MACROD2: variants seen among roughly 807,000 people sequenced by gnomAD.
MACROD2 encodes the protein mono-ADP ribosylhydrolase 2.
Under a neutral mutation model 70.4 loss-of-function variants are expected in MACROD2, and 36 were observed. That is an observed-to-expected ratio of 0.51 (90% CI 0.39 to 0.68). MACROD2 has a LOEUF of 0.68. Ranked by LOEUF, MACROD2 falls within the 30% of genes least tolerant of loss-of-function variation. The pLI is 0.00. For missense variants in MACROD2, 496 were observed against 538.4 expected, an observed-to-expected ratio of 0.92 and a Z score of 0.78; for synonymous variants, 172 against 178.8, an observed-to-expected ratio of 0.96 and a Z score of 0.30.
At chr20:14,786,200 A>AAGAT (rs1408305068) in intron 5 of MACROD2, among the ~76,000 whole-genome samples, 1 of 66,206 alleles carries the variant, frequency 1.5e-5, no homozygotes, top group Non-Finnish European at 3.4e-5. Context: ...CACTCAGAGA[A>AAGAT]AGATAGAGAG....
At chr20:15,769,851 A>G (rs2051592512) in intron 8 of MACROD2, among the ~76,000 whole-genome samples, 1 of 152,162 alleles carries the variant, frequency 6.6e-6, no homozygotes, top group Non-Finnish European at 1.5e-5. Context: ...GAAGGTCAGA[A>G]AAGTTTTACA....
At chr20:14,586,738 T>C (rs1223833517) in intron 4 of MACROD2, among the ~76,000 whole-genome samples, 1 of 152,092 alleles carries the variant, frequency 6.6e-6, no homozygotes, top group East Asian at 1.9e-4. Flanking sequence ...CCCAAAGTTT[T>C]GATATACTAC....
At chr20:14,019,087 C>T (rs543990122) in intron 2 of MACROD2, among the ~76,000 whole-genome samples, 18 of 152,206 alleles carry the variant, frequency 1.2e-4, no homozygotes, top group African/African-American at 4.3e-4. Context: ...TTTGCTCTGC[C>T]CTGGGTTCAG....
chr20:15,988,930 A>C (rs1266526526), intron 15 of MACROD2, among the ~76,000 whole-genome samples: 2 of 152,168 alleles, frequency 1.3e-5, no homozygotes, highest in Non-Finnish European at 2.9e-5. Context: ...TAGGAAAAGG[A>C]GGCAATGTAG....
Position 15,961,591 on chromosome 20 carries a change from C to T in MACROD2, c.908-5962C>T, listed in dbSNP as rs141178329. On this transcript the variant is annotated intron_variant, in intron 12 of 17. Coordinates refer to ENST00000684519, the MANE Select transcript of MACROD2 (RefSeq NM_001351661.2). ...ATAAAATAACTCAGAAGCAGTGACC[C>T]GATGCCAGGCTGTCGGTTCAGAGCT... is the stretch of plus-strand genomic sequence containing the variant. Among the ~76,000 whole-genome samples, 529 of 152,246 alleles carry T rather than the reference C, an allele frequency of 3.5e-3. 1 individual carries two copies. The highest frequency in any genetic ancestry group is 0.012 in the African/African-American group (508 of 41,546).
At chr20:15,211,550 T>C (rs2164741) in intron 5 of MACROD2, among the ~76,000 whole-genome samples, 28,612 of 151,980 alleles carry the variant, frequency 0.19, 2,920 homozygotes, top group African/African-American at 0.26. Context: ...TATCACTCTA[T>C]GAGTCCACGT....
At chr20:15,333,694 C>A (rs2078017805) in intron 6 of MACROD2, among the ~76,000 whole-genome samples, 1 of 151,484 alleles carries the variant, frequency 6.6e-6, no homozygotes, top group African/African-American at 2.4e-5. Flanking sequence ...CAGTAATTTC[C>A]TCAAAGGCGT....
At chr20:15,350,806 A>C (rs944938778) in intron 6 of MACROD2, among the ~76,000 whole-genome samples, 6 of 152,184 alleles carry the variant, frequency 3.9e-5, no homozygotes, top group Non-Finnish European at 5.9e-5. Flanking sequence ...TATCACAGAA[A>C]AATTAATGTG....
rs566084808 is a variant in MACROD2 at position 14,813,032 on chromosome 20, C to A, written c.418+128073C>A. ...GGGACATGCTTTGCTTACATTTACC[C>A]GTTTATTGCAAAGGATATTTTAATT... On this transcript the variant is annotated intron_variant, in intron 5 of 17. Transcript: ENST00000684519. Among the ~76,000 whole-genome samples the A allele has an allele frequency of 2.6e-5, 4 of 151,876 alleles. No homozygotes were observed. The East Asian group carries it at 7.7e-4, about 29-fold the overall frequency.
chr20:15,390,915 T>C (rs1245513990), intron 6 of MACROD2, among the ~76,000 whole-genome samples: 2 of 152,194 alleles, frequency 1.3e-5, no homozygotes, highest in African/African-American at 2.4e-5. Context: ...CCATCACACT[T>C]CCTAATCCAT....
Position 15,353,826 on chromosome 20 carries a change from C to T in MACROD2, c.541-77579C>T, listed in dbSNP as rs1416061973. ...TATCATCTCACACCAGTTATAATGG[C>T]AATCATTAAAAAGTCAGGAAACAAC... On this transcript the variant is annotated intron_variant, in intron 6 of 17. Coordinates refer to ENST00000684519, the MANE Select transcript of MACROD2 (RefSeq NM_001351661.2). 4.5e-5 allele frequency among the ~76,000 whole-genome samples: 4 copies of T among 88,848 alleles called. 2 individuals are homozygous for T. The highest frequency in any genetic ancestry group is 9.4e-5 in the Non-Finnish European group (4 of 42,458). 58.3% of individuals were successfully genotyped at this position (88,848 alleles called of 152,430 possible).
At chr20:15,367,501 A>C (rs765966126) in intron 6 of MACROD2, among the ~76,000 whole-genome samples, 6 of 152,320 alleles carry the variant, frequency 3.9e-5, no homozygotes, top group Non-Finnish European at 7.4e-5. Context: ...CACTGACATA[A>C]GTATCTTTAA....
intron 5 of MACROD2, among the ~76,000 whole-genome samples, chr20:15,056,436 C>T (rs1356662785): frequency 1.3e-5 from 2 of 152,130 alleles, no homozygotes; most frequent in African/African-American, 4.8e-5. Context: ...CTAAATGCTT[C>T]ATTTTCCACC....
intron 5 of MACROD2, among the ~76,000 whole-genome samples, chr20:15,021,884 G>A (rs942792962): frequency 1.3e-5 from 2 of 152,022 alleles, no homozygotes; most frequent in African/African-American, 4.8e-5. Context: ...AGTAACAAAT[G>A]TACCACACCA....
At position 15,208,866 on chromosome 20, in the gene MACROD2, G is replaced by T. The variant is rs75320677; in HGVS notation, c.419-21074G>T. ...GCTCTGACATTATATGGGGAGGGGG[G>T]TTGTTACCACCAGCAAGGGCTGAAA... On this transcript the variant is annotated intron_variant, in intron 5 of 17. Coordinates refer to ENST00000684519, the MANE Select transcript of MACROD2 (RefSeq NM_001351661.2). 5.0e-3 allele frequency among the ~76,000 whole-genome samples: 768 copies of T among 152,226 alleles called. 7 individuals are homozygous for T. The highest frequency in any genetic ancestry group is 0.018 in the African/African-American group (738 of 41,526).
At chr20:14,083,169 C>G (rs555053077) in intron 2 of MACROD2, among the ~76,000 whole-genome samples, 1 of 149,466 alleles carries the variant, frequency 6.7e-6, no homozygotes, top group Non-Finnish European at 1.5e-5. Context: ...TGGTGGCTCG[C>G]GCTTGTAATC....
intron 8 of MACROD2, among the ~76,000 whole-genome samples, chr20:15,551,339 A>T (rs2048093321): frequency 1.9e-5 from 2 of 105,598 alleles, no homozygotes; most frequent in East Asian, 7.5e-4. Flanking sequence ...TTAATATTTA[A>T]AAAAAAAAAA....
At chr20:14,907,796 A>G (rs1328944770) in intron 5 of MACROD2, among the ~76,000 whole-genome samples, 2 of 152,100 alleles carry the variant, frequency 1.3e-5, no homozygotes, top group South Asian at 2.1e-4. Flanking sequence ...AAGAGTTTAG[A>G]TATTGACTAT....
chr20:14,106,538 T>G (rs952678555), intron 3 of MACROD2, among the ~76,000 whole-genome samples: 1 of 152,162 alleles, frequency 6.6e-6, no homozygotes, highest in Non-Finnish European at 1.5e-5. Context: ...TCTGGCTGGC[T>G]TTGCCACCTG....
Sources: gnomAD v4.1 joint callset for allele counts (sites outside exome capture counted in the v4.1 genomes callset) on GRCh38, gnomAD v4.1.1 for gene constraint, MANE v1.5 for transcripts, NCBI Gene and HGNC (gene_info 2026-07-23, HGNC 2026-07-21) for gene names.